The following GRM5 variants were observed in gnomAD, a reference collection of about 807,000 sequenced individuals.
The protein encoded by GRM5 is glutamate metabotropic receptor 5, also known as metabotropic glutamate receptor 5.
In GRM5, 19 loss-of-function variants were observed where a neutral mutation model predicts 83.1. That is an observed-to-expected ratio of 0.23 (90% CI 0.16 to 0.34). GRM5 has a LOEUF of 0.34. Among genes scored for constraint, GRM5 ranks in the 10% least tolerant of loss-of-function variants. The pLI is 1.00. For missense variants in GRM5, 1,160 were observed against 1,588.3 expected (o/e 0.73, Z 4.58); for synonymous variants, 675 against 633.6 (o/e 1.07, Z -0.98).
intron 2 of GRM5, among the ~76,000 whole-genome samples, chr11:88,920,622 A>T (rs958426568): frequency 5.3e-5 from 8 of 152,236 alleles, no homozygotes; most frequent in African/African-American, 1.9e-4. Context: ...ACGAAGACAC[A>T]TCAAAAAAAC....
intron 2 of GRM5, among the ~76,000 whole-genome samples, chr11:88,862,199 G>T (rs2135552086): frequency 6.6e-6 from 1 of 152,202 alleles, no homozygotes; most frequent in Non-Finnish European, 1.5e-5. Context: ...CTATTTGTTT[G>T]ATTTATCACT....
At chr11:88,702,017 A>G (rs1941047261) in intron 3 of GRM5, among the ~76,000 whole-genome samples, 1 of 152,052 alleles carries the variant, frequency 6.6e-6, no homozygotes, top group South Asian at 2.1e-4. Flanking sequence ...TCCAAAAAGG[A>G]AGGGATAAAA....
intron 8 of GRM5, among the ~76,000 whole-genome samples, chr11:88,565,627 CAGAAAA>C (rs926507370): frequency 5.3e-5 from 8 of 152,118 alleles, no homozygotes; most frequent in Admixed American, 2.0e-4. Context: ...GCAGAAATTT[CAGAAAA>C]AGAATGGTTC....
chr11:88,976,322 G>T (rs1437826047), intron 2 of GRM5, among the ~76,000 whole-genome samples: 1 of 152,148 alleles, frequency 6.6e-6, no homozygotes, highest in Non-Finnish European at 1.5e-5. Context: ...AACAAAAATT[G>T]AGACCTGGCT....
intron 2 of GRM5, among the ~76,000 whole-genome samples, chr11:88,889,658 G>A (rs1242397168): frequency 1.3e-5 from 2 of 152,178 alleles, no homozygotes; most frequent in Admixed American, 6.6e-5. Flanking sequence ...TATTTAAAAG[G>A]CCTTTATATT....
chr11:88,652,081 T>G (rs1257698493), intron 4 of GRM5, among the ~76,000 whole-genome samples: 6 of 152,066 alleles, frequency 3.9e-5, no homozygotes, highest in Admixed American at 3.9e-4. Context: ...TGAATTCTGG[T>G]GTTCCAGCAC....
rs1944960188 is a variant in GRM5 at position 88,881,898 on chromosome 11, G to A, written c.662-31743C>T. Among the ~76,000 whole-genome samples the A allele has an allele frequency of 4.0e-5, 5 of 125,044 alleles. 1 individual carries two copies. In the South Asian group the frequency reaches 1.4e-3, roughly 35 times the overall value. 82.0% of individuals were successfully genotyped at this position (125,044 alleles called of 152,430 possible). A position where few individuals can be genotyped will look rare whatever the true frequency, so the allele number is the denominator to read the frequency against. On this transcript the variant is annotated intron_variant, in intron 2 of 9. Coordinates refer to ENST00000305447, the MANE Select transcript of GRM5 (RefSeq NM_001143831.3). ...ATAATAAGTACTTATATAAAACTGAGGCTTTGGAGTTCTTAGAAATTTTTC... is the reference window on the plus strand; with the variant it reads ...ATAATAAGTACTTATATAAAACTGAAGCTTTGGAGTTCTTAGAAATTTTTC...
intron 2 of GRM5, among the ~76,000 whole-genome samples, chr11:88,910,660 C>T (rs1945481126): frequency 6.6e-6 from 1 of 151,976 alleles, no homozygotes; most frequent in African/African-American, 2.4e-5. Flanking sequence ...CTAAGATTGT[C>T]AAATGGTTAG....
At chr11:89,060,860 A>G (rs1244835739) in intron 1 of GRM5, among the ~76,000 whole-genome samples, 1 of 152,200 alleles carries the variant, frequency 6.6e-6, no homozygotes, top group African/African-American at 2.4e-5. Context: ...CTTGGGTTAT[A>G]TAAATACATC....
chr11:88,542,817 G>C (rs201015231), intron 8 of GRM5, among the ~76,000 whole-genome samples: 1 of 152,152 alleles, frequency 6.6e-6, no homozygotes, highest in African/African-American at 2.4e-5. Context: ...GTCTGTACTC[G>C]CAGCACTTTG....
chr11:88,514,985 C>G (rs1365489386), intron 9 of GRM5, among the ~76,000 whole-genome samples: 3 of 152,152 alleles, frequency 2.0e-5, no homozygotes, highest in Non-Finnish European at 2.9e-5. Context: ...GAGAATCTTT[C>G]TTACCAGGCA....
chr11:88,833,291 CA>C (rs1250117078), intron 3 of GRM5, among the ~76,000 whole-genome samples: 2 of 151,616 alleles, frequency 1.3e-5, no homozygotes, highest in African/African-American at 4.8e-5. Flanking sequence ...GCTGCCCCCC[CA>C]AAATACAAAT....
At chr11:88,774,301 T>C (rs1387470389) in intron 3 of GRM5, among the ~76,000 whole-genome samples, 1 of 152,240 alleles carries the variant, frequency 6.6e-6, no homozygotes, top group Non-Finnish European at 1.5e-5. Flanking sequence ...ATTGATTTTG[T>C]ATCCTGAGAC....
intron 3 of GRM5, among the ~76,000 whole-genome samples, chr11:88,737,664 T>C (rs977351628): frequency 3.3e-5 from 5 of 152,068 alleles, no homozygotes; most frequent in African/African-American, 1.2e-4. Context: ...CATTTTGTGA[T>C]ATTTTTTCAT....
chr11:88,840,261 CA>C (rs1343642801), intron 3 of GRM5, among the ~76,000 whole-genome samples: 1 of 152,102 alleles, frequency 6.6e-6, no homozygotes, highest in African/African-American at 2.4e-5. Context: ...TAAAAGAAGT[CA>C]AAAGCAGTCT....
chr11:88,598,745 AACCTTTGAAG>A, intron 5 of GRM5, among the ~76,000 whole-genome samples: 1 of 152,300 alleles, frequency 6.6e-6, no homozygotes, highest in South Asian at 2.1e-4. Flanking sequence ...ATGAGCAAAT[AACCTTTGAAG>A]ATTCTAGGAT....
At chr11:88,906,470 A>G (rs1326405293) in intron 2 of GRM5, among the ~76,000 whole-genome samples, 4 of 150,590 alleles carry the variant, frequency 2.7e-5, no homozygotes, top group Non-Finnish European at 5.9e-5. Flanking sequence ...CATCTGGGAG[A>G]AAAAAAAAAG....
At chr11:88,840,761 T>C (rs1309245244) in intron 3 of GRM5, among the ~76,000 whole-genome samples, 6 of 152,334 alleles carry the variant, frequency 3.9e-5, no homozygotes, top group African/African-American at 1.4e-4. Flanking sequence ...TTATGACCCC[T>C]AATCTAGAGG....
At chr11:88,605,288 A>G (rs1163496988) in intron 4 of GRM5, among the ~76,000 whole-genome samples, 1 of 152,030 alleles carries the variant, frequency 6.6e-6, no homozygotes, top group African/African-American at 2.4e-5. Context: ...TTAAGGACAG[A>G]TTCATTTCAT....
Sources: allele counts gnomAD v4.1 joint callset (sites outside exome capture counted in the v4.1 genomes callset), GRCh38; gene constraint gnomAD v4.1.1; transcripts MANE v1.5; gene names NCBI Gene and HGNC (gene_info 2026-07-23, HGNC 2026-07-21).